Variants in MBD5 observed in about 807,000 individuals in gnomAD.
MBD5 encodes the protein methyl-CpG-binding domain protein 5.
A neutral mutation model predicts 117.3 loss-of-function variants in MBD5; 13 were observed. The observed-to-expected ratio is 0.11, with a 90% CI of 0.07 to 0.18. MBD5 has a LOEUF of 0.18. MBD5 is among the 10% of genes least tolerant of loss of function. The probability of loss-of-function intolerance (pLI) is 1.00; values close to 1 mark genes in which losing one functional copy is unlikely to be tolerated. For missense variants in MBD5, 1,879 were observed against 2,093.8 expected (o/e 0.90, Z 2.00); for synonymous variants, 727 against 766.4 (o/e 0.95, Z 0.85).
intron 10 of MBD5, 72 bp downstream of exon 10, chr2:148,486,022 A>C: frequency 6.7e-7 from 1 of 1,484,240 alleles, no homozygotes; most frequent in Non-Finnish European, 9.4e-7. Flanking sequence ...ATTTGGGGGA[A>C]AGGGTGAAAA....
In MBD5 at chr2:148,462,559, G is replaced by GT. The variant is rs758376752; in HGVS notation, c.114-16dup. 25 of 1,439,864 alleles carry GT rather than the reference G, an allele frequency of 1.7e-5. No homozygotes were observed. The highest frequency in any genetic ancestry group is 2.2e-5 in the Non-Finnish European group (23 of 1,023,064). The allele number at this position is 1,439,864 out of a possible 1,614,324, so 89.2% of individuals were successfully genotyped here. ...TGTGTAGTCAAAATTATTTCCTGAT[G>GT]TTTTTTTAAACTATTTTTACAGTCC... On this transcript the variant is annotated intron_variant, in intron 5 of 13. Coordinates refer to ENST00000642680, the MANE Select transcript of MBD5 (RefSeq NM_001378120.1).
intron 8 of MBD5, among the ~76,000 whole-genome samples, chr2:148,477,301 T>G (rs947581737): frequency 2.0e-5 from 3 of 152,102 alleles, no homozygotes; most frequent in African/African-American, 7.2e-5. Flanking sequence ...TGGAGAGCAT[T>G]TCCTCAGATA....
At chr2:148,348,611 G>A (rs1703179196) in intron 4 of MBD5, among the ~76,000 whole-genome samples, 1 of 151,966 alleles carries the variant, frequency 6.6e-6, no homozygotes, top group Non-Finnish European at 1.5e-5. Flanking sequence ...AACATACTAA[G>A]TAATAGCTAA....
chr2:148,352,473 TCAC>T (rs566794994), intron 4 of MBD5, among the ~76,000 whole-genome samples: 8 of 152,104 alleles, frequency 5.3e-5, no homozygotes, highest in South Asian at 4.1e-4. Context: ...AACATTTCCA[TCAC>T]CACAAGGGTC....
At chr2:148,189,168 C>T (rs1055729856) in intron 2 of MBD5, among the ~76,000 whole-genome samples, 21 of 147,002 alleles carry the variant, frequency 1.4e-4, no homozygotes, top group African/African-American at 4.9e-4. Context: ...AAGGCGGCAA[C>T]GAGGCTGGGG....
chr2:148,294,501 G>GTTTTTTTTTTTTTTGTT (rs1701591222), intron 3 of MBD5, among the ~76,000 whole-genome samples: 6 of 113,260 alleles, frequency 5.3e-5, no homozygotes, highest in African/African-American at 7.3e-5. Flanking sequence ...TGGGATTACA[G>GTTTTTTTTTTTTTTGTT]TTTTTTTTTT....
intron 3 of MBD5, among the ~76,000 whole-genome samples, chr2:148,311,571 CA>C (rs1292330408): frequency 6.6e-6 from 1 of 152,152 alleles, no homozygotes; most frequent in Non-Finnish European, 1.5e-5. Flanking sequence ...CTCCTGAATA[CA>C]GCACACTGAT....
intron 2 of MBD5, among the ~76,000 whole-genome samples, chr2:148,227,668 G>T (rs1380070761): frequency 1.3e-5 from 2 of 152,188 alleles, no homozygotes; most frequent in African/African-American, 4.8e-5. Context: ...TTGGTAGCTT[G>T]ATGGGGATGG....
At chr2:148,396,967 C>T (rs1262174144) in intron 4 of MBD5, among the ~76,000 whole-genome samples, 1 of 152,184 alleles carries the variant, frequency 6.6e-6, no homozygotes, top group Non-Finnish European at 1.5e-5. Flanking sequence ...GACCCTGACT[C>T]ATATAACATA....
At chr2:148,083,066 C>G (rs1365780736) in intron 1 of MBD5, among the ~76,000 whole-genome samples, 1 of 152,108 alleles carries the variant, frequency 6.6e-6, no homozygotes, top group Non-Finnish European at 1.5e-5. Context: ...TCTGTTTGGT[C>G]CCCGAATCTG....
At position 148,330,033 on chromosome 2, in the gene MBD5, A is replaced by ACCCCCCCCCCCCC. The variant is rs56712549; in HGVS notation, c.-679-12172_-679-12171insCCCCCCCCCCCCC. ...AAGACTTCCTTGGTTGTAGGTAAGA[A>ACCCCCCCCCCCCC]CCCCCCCCCGCCCCCCCCACACACA... On this transcript the variant is annotated intron_variant, in intron 3 of 13. Coordinates refer to ENST00000642680, the MANE Select transcript of MBD5 (RefSeq NM_001378120.1). Among the ~76,000 whole-genome samples, 60 of 17,686 alleles carry ACCCCCCCCCCCCC rather than the reference A, an allele frequency of 3.4e-3. 1 individual carries two copies. The highest frequency in any genetic ancestry group is 0.042 in the Middle Eastern group (1 of 24). The allele number at this position is 17,686 out of a possible 152,430, so 11.6% of individuals were successfully genotyped here.
chr2:148,215,669 G>T (rs1699534350), intron 2 of MBD5, among the ~76,000 whole-genome samples: 1 of 149,788 alleles, frequency 6.7e-6, no homozygotes, highest in Non-Finnish European at 1.5e-5. Context: ...ATGCAGGTGT[G>T]CAGCACCATG....
rs1345551426 is a variant in MBD5, at chr2:148,150,792, G to A, written c.-924-27908G>A. On this transcript the variant is annotated intron_variant, in intron 1 of 13. Transcript: ENST00000642680. ...CTTGTGATTTTTCTACATTCATTTT[G>A]TATCCTGAGACTTTGCTGAAGTTGC... 2.0e-5 allele frequency among the ~76,000 whole-genome samples: 3 copies of A among 152,086 alleles called. No homozygotes were observed. In the South Asian group the frequency reaches 6.2e-4, roughly 32 times the overall value.
At chr2:148,071,620 C>T (rs890207587) in intron 1 of MBD5, 2 of 152,062 alleles carry the variant, frequency 1.3e-5, no homozygotes, top group Non-Finnish European at 2.9e-5. Context: ...ATGTTTTTAC[C>T]TGTTGTAGAA....
At chr2:148,278,744 T>C (rs1423011410) in intron 3 of MBD5, among the ~76,000 whole-genome samples, 1 of 152,188 alleles carries the variant, frequency 6.6e-6, no homozygotes, top group Non-Finnish European at 1.5e-5. Flanking sequence ...AGAAATCCCA[T>C]GATAGACTGC....
At chr2:148,447,523 A>G (rs1706598798) in intron 4 of MBD5, 2 of 152,174 alleles carry the variant, frequency 1.3e-5, no homozygotes, top group Non-Finnish European at 2.9e-5. Context: ...GTCAAGGGCT[A>G]TAGTGAAACC....
intron 3 of MBD5, among the ~76,000 whole-genome samples, chr2:148,254,030 C>T (rs1700526356): frequency 6.6e-6 from 1 of 152,158 alleles, no homozygotes. Context: ...GAACACATAC[C>T]CATAGGGCAG....
Position 148,468,972 on chromosome 2 carries a change from T to C in MBD5, c.1029T>C (p.Ser343=), listed in dbSNP as rs775457029. 2 of 1,613,448 alleles carry C rather than the reference T, an allele frequency of 1.2e-6. No individual in the cohort carries two copies. The highest frequency in any genetic ancestry group is 1.6e-4 in the Middle Eastern group (1 of 6,076). The part of the protein sequence containing the change: ...PQGPPPPPPP[S]CALQKKPLTS... ...GCCCACCTCCCCCTCCTCCACCTTC[T>C]TGTGCTCTTCAGAAAAAGCCATTAA... Residue 343 remains serine (S), a synonymous_variant, in exon 8 of 14, where the codon TCT becomes TCC. Transcript: ENST00000642680.
At chr2:148,350,525 A>G (rs1257646344) in intron 4 of MBD5, among the ~76,000 whole-genome samples, 2 of 152,014 alleles carry the variant, frequency 1.3e-5, no homozygotes, top group East Asian at 1.9e-4. Context: ...GAATTTTGCA[A>G]TACAGTTTTT....
Sources: gnomAD v4.1 joint callset for allele counts (sites outside exome capture counted in the v4.1 genomes callset) on GRCh38, gnomAD v4.1.1 for gene constraint, MANE v1.5 for transcripts, NCBI Gene and HGNC (gene_info 2026-07-23, HGNC 2026-07-21) for gene names.